The following ARHGEF11 variants were observed in gnomAD, a reference collection of about 807,000 sequenced individuals.
The protein encoded by ARHGEF11 is Rho guanine exchange factor (GEF) 11.
In ARHGEF11, 55 loss-of-function variants were observed where a neutral mutation model predicts 193.7. That is an observed-to-expected ratio of 0.28 (90% CI 0.23 to 0.36). The LOEUF is 0.36. ARHGEF11 is among the 10% of genes least tolerant of loss of function. The pLI is 1.00. For missense variants in ARHGEF11, 1,723 were observed against 2,005.6 expected, an observed-to-expected ratio of 0.86 and a Z score of 2.69; for synonymous variants, 693 against 768.0, an observed-to-expected ratio of 0.90 and a Z score of 1.62.
chr1:156,948,696 C>T lies in ARHGEF11; in HGVS notation c.1926-198G>A. The stretch of plus-strand genomic sequence containing the variant: ...ATTTTTGCTGCTCTACAAACTCCTC[C>T]TCTCTCCCCAGCCTAGCCTGATGGA... On this transcript the variant is annotated intron_variant, in intron 22 of 40. Coordinates refer to ENST00000368194, the MANE Select transcript of ARHGEF11 (RefSeq NM_198236.3). This position sits in a 1 kb window ranked among gnomAD's most constrained non-coding sequence, Gnocchi z 4.2. 6.6e-7 allele frequency: 1 copy of T among 1,526,192 alleles called. No homozygotes were observed. Among genetic ancestry groups the T allele is most frequent in the African/African-American group, 1.4e-5 (1 of 72,986 alleles). 94.5% of individuals were successfully genotyped at this position (1,526,192 alleles called of 1,614,324 possible). A position where few individuals can be genotyped will look rare whatever the true frequency, so the allele number is the denominator to read the frequency against.
chr1:157,035,765 T>C (rs889222369), intron 1 of ARHGEF11, among the ~76,000 whole-genome samples: 1 of 146,374 alleles, frequency 6.8e-6, no homozygotes, highest in African/African-American at 2.5e-5. Context: ...TGGGAATATA[T>C]ATATATACAG....
At chr1:156,974,547 G>A (rs1662994539) in intron 7 of ARHGEF11, among the ~76,000 whole-genome samples, 2 of 152,172 alleles carry the variant, frequency 1.3e-5, no homozygotes, top group African/African-American at 4.8e-5. Flanking sequence ...CCATTTTAAA[G>A]TGTACAACTA....
intron 6 of ARHGEF11, among the ~76,000 whole-genome samples, chr1:156,977,611 G>T (rs994377953): frequency 6.6e-6 from 1 of 151,932 alleles, no homozygotes; most frequent in African/African-American, 2.4e-5. Context: ...ACAGGGTTTT[G>T]CCATGTTGCC....
rs138626429 is a variant in ARHGEF11 at position 156,962,862 on chromosome 1, G to A, written c.1140+341C>T. 8.3e-3 allele frequency among the ~76,000 whole-genome samples: 1,052 copies of A among 126,604 alleles called. 12 individuals carry two copies. The highest frequency in any genetic ancestry group is 0.029 in the African/African-American group (976 of 33,280). The allele number at this position is 126,604 out of a possible 152,430, so 83.1% of individuals were successfully genotyped here. A position where few individuals can be genotyped will look rare whatever the true frequency, so the allele number is the denominator to read the frequency against. On this transcript the variant is annotated intron_variant, in intron 13 of 40. Transcript: ENST00000368194. Reference sequence around the variant, plus strand: ...CCACTGCACTCCAGCCTCGGCGACAGTGCGAGACTCCGTCTCAAAAAAAAA... The same window carrying A: ...CCACTGCACTCCAGCCTCGGCGACAATGCGAGACTCCGTCTCAAAAAAAAA...
chr1:156,991,723 T>TTTTTTG, intron 1 of ARHGEF11, among the ~76,000 whole-genome samples: 1 of 136,092 alleles, frequency 7.3e-6, no homozygotes, highest in Non-Finnish European at 1.6e-5. Context: ...TTTTTTTTTT[T>TTTTTTG]TTTTTTTTTT....
At chr1:157,027,749 T>A (rs953451152) in intron 1 of ARHGEF11, among the ~76,000 whole-genome samples, 2 of 152,174 alleles carry the variant, frequency 1.3e-5, no homozygotes, top group Non-Finnish European at 2.9e-5. Flanking sequence ...TGATCCTGGG[T>A]TGGCCTTTGT....
chr1:156,995,697 C>T (rs1170041919), intron 1 of ARHGEF11, among the ~76,000 whole-genome samples: 1 of 149,230 alleles, frequency 6.7e-6, no homozygotes, highest in African/African-American at 2.5e-5. Flanking sequence ...GAGTAGCTGC[C>T]CAGCTTGTTT....
Position 156,941,855 on chromosome 1 carries a change from G to A in ARHGEF11, c.3452+9C>T. The A allele has an allele frequency of 6.2e-7, 1 of 1,604,886 alleles. No homozygotes were observed. The highest frequency in any genetic ancestry group is 8.5e-7 in the Non-Finnish European group (1 of 1,175,802). ...GAGAGTGCAGGGTCTGGAGGGCTAA[G>A]CACTGCACCTGCTGGGTGTGGGGCC... is the stretch of plus-strand genomic sequence containing the variant. On this transcript the variant is annotated intron_variant, in intron 34 of 40. Coordinates refer to ENST00000368194, the MANE Select transcript of ARHGEF11 (RefSeq NM_198236.3).
intron 26 of ARHGEF11, 89 bp downstream of exon 26, chr1:156,947,215 A>C: frequency 6.5e-7 from 1 of 1,535,918 alleles, no homozygotes; most frequent in South Asian, 1.3e-5. Context: ...GAGGTTACCT[A>C]CTCAGGGAGG....
intron 1 of ARHGEF11, among the ~76,000 whole-genome samples, chr1:157,004,935 A>C (rs890527034): frequency 1.3e-5 from 2 of 152,234 alleles, no homozygotes; most frequent in Admixed American, 1.3e-4. Flanking sequence ...GATGACATCC[A>C]GAAGGCCAAA....
rs143311780 is a variant in ARHGEF11 at position 156,941,085 on chromosome 1, G to A, written c.3514+287C>T. ...CCTGGCTGGAGGATGCAGGGCCCGT[G>A]GATCCCGCCAGACTGCTCGTCTTCT... is the stretch of plus-strand genomic sequence containing the variant. On this transcript the variant is annotated intron_variant, in intron 35 of 40. Coordinates refer to ENST00000368194, the MANE Select transcript of ARHGEF11 (RefSeq NM_198236.3). 7.5e-4 allele frequency among the ~76,000 whole-genome samples: 111 copies of A among 147,470 alleles called. No homozygotes were observed. In the East Asian group the frequency reaches 0.022, roughly 29 times the overall value.
intron 28 of ARHGEF11, 41 bp downstream of exon 28, chr1:156,946,621 G>A: frequency 6.2e-7 from 1 of 1,612,758 alleles, no homozygotes; most frequent in Non-Finnish European, 8.5e-7. Context: ...TGGTGACCTT[G>A]ATGGAGATGA....
At chr1:157,013,159 G>A (rs1668748332) in intron 1 of ARHGEF11, among the ~76,000 whole-genome samples, 1 of 151,590 alleles carries the variant, frequency 6.6e-6, no homozygotes, top group African/African-American at 2.4e-5. Context: ...AGCCACTATT[G>A]CTCTATTGTA....
intron 7 of ARHGEF11, among the ~76,000 whole-genome samples, chr1:156,974,385 G>A (rs16837875): frequency 0.027 from 4,089 of 152,216 alleles, 72 homozygotes; most frequent in South Asian, 0.054. Flanking sequence ...CATTTTCAAC[G>A]TTCTATTAAC....
At chr1:157,010,717 G>T (rs1476955499) in intron 1 of ARHGEF11, among the ~76,000 whole-genome samples, 1 of 152,086 alleles carries the variant, frequency 6.6e-6, no homozygotes, top group Non-Finnish European at 1.5e-5. Context: ...CTGAAAAATT[G>T]TATTTCTATA....
At chr1:156,945,810 GCC>G in intron 29 of ARHGEF11, 1 of 455,978 alleles carries the variant, frequency 2.2e-6, no homozygotes, top group East Asian at 3.8e-5. Flanking sequence ...TTGCACAAAG[GCC>G]CACACAGGTG....
rs1438732679 is a variant in ARHGEF11 at position 156,936,507 on chromosome 1, T to A, written c.4630+309A>T. Among the ~76,000 whole-genome samples, 25 of 122,738 alleles carry A rather than the reference T, an allele frequency of 2.0e-4. 2 individuals carry two copies. The highest frequency in any genetic ancestry group is 7.6e-4 in the African/African-American group (21 of 27,662). The allele number at this position is 122,738 out of a possible 152,430, so 80.5% of individuals were successfully genotyped here. On this transcript the variant is annotated intron_variant, in intron 40 of 40. Coordinates refer to ENST00000368194, the MANE Select transcript of ARHGEF11 (RefSeq NM_198236.3). Reference sequence around the variant, plus strand: ...AAAAAAAAAAAAAAAAATATATATATATATATATATATATATATAAAATTA... The same window carrying A: ...AAAAAAAAAAAAAAAAATATATATAAATATATATATATATATATAAAATTA...
rs116510579 is a variant in ARHGEF11 at position 156,963,509 on chromosome 1, G to T, written c.1038+11C>A. The T allele has an allele frequency of 1.9e-6, 3 of 1,610,516 alleles. No homozygotes were observed. The highest frequency in any genetic ancestry group is 2.5e-6 in the Non-Finnish European group (3 of 1,178,858). On this transcript the variant is annotated intron_variant, in intron 12 of 40. Coordinates refer to ENST00000368194, the MANE Select transcript of ARHGEF11 (RefSeq NM_198236.3). ...AAAAATGATGAAAGGAGAAAACTAG[G>T]AAACCGTTACCTCGTTGTTGAAATA...
intron 1 of ARHGEF11, among the ~76,000 whole-genome samples, chr1:157,013,013 A>G (rs1039622750): frequency 6.6e-6 from 1 of 152,054 alleles, no homozygotes; most frequent in African/African-American, 2.4e-5. Flanking sequence ...GGTACTTTTT[A>G]GGGGGCGTTG....
Sources: gnomAD v4.1 joint callset for allele counts (sites outside exome capture counted in the v4.1 genomes callset) on GRCh38, gnomAD v4.1.1 for gene constraint, Gnocchi (gnomAD v3.1) non-coding constraint, MANE v1.5 for transcripts, NCBI Gene and HGNC (gene_info 2026-07-23, HGNC 2026-07-21) for gene names.